Variants in KCNIP4 observed in about 807,000 individuals in gnomAD.
The protein encoded by KCNIP4 is potassium voltage-gated channel interacting protein 4.
KCNIP4 carries 12 observed loss-of-function variants against 34.0 expected under a neutral mutation model. That is an observed-to-expected ratio of 0.35 (90% CI 0.23 to 0.57). The LOEUF (loss-of-function observed/expected upper bound fraction) is 0.57. Ranked by LOEUF, KCNIP4 falls within the 20% of genes least tolerant of loss-of-function variation. The probability of loss-of-function intolerance (pLI) is 0.83; values close to 1 mark genes in which losing one functional copy is unlikely to be tolerated. For missense variants in KCNIP4, 238 were observed against 311.7 expected (o/e 0.76, Z 1.78); for synonymous variants, 124 against 102.2 (o/e 1.21, Z -1.29).
intron 1 of KCNIP4, among the ~76,000 whole-genome samples, chr4:21,946,682 A>T (rs937754948): frequency 6.6e-6 from 1 of 152,242 alleles, no homozygotes; most frequent in Non-Finnish European, 1.5e-5. Context: ...TATTCTTCTC[A>T]TCATATGACA....
chr4:21,326,328 T>A (rs1198213156), intron 1 of KCNIP4, among the ~76,000 whole-genome samples: 1 of 151,692 alleles, frequency 6.6e-6, no homozygotes, highest in Non-Finnish European at 1.5e-5. Context: ...ACATATTTGT[T>A]ATACCCCCTT....
chr4:20,765,588 T>C (rs1255157310), intron 3 of KCNIP4, among the ~76,000 whole-genome samples: 1 of 152,192 alleles, frequency 6.6e-6, no homozygotes, highest in East Asian at 1.9e-4. Flanking sequence ...GGCTAGATAG[T>C]AATGGGCTGA....
intron 1 of KCNIP4, among the ~76,000 whole-genome samples, chr4:21,211,182 T>C (rs1757194510): frequency 6.6e-6 from 1 of 152,188 alleles, no homozygotes. Flanking sequence ...ACTGTGAAAG[T>C]AGTTTGTACT....
chr4:21,636,599 G>C (rs1353245917), intron 1 of KCNIP4, among the ~76,000 whole-genome samples: 1 of 152,096 alleles, frequency 6.6e-6, no homozygotes, highest in African/African-American at 2.4e-5. Context: ...CATTCTCTCT[G>C]AAACTCTCCA....
At chr4:21,805,221 A>G (rs1241724009) in intron 1 of KCNIP4, among the ~76,000 whole-genome samples, 1 of 152,164 alleles carries the variant, frequency 6.6e-6, no homozygotes, top group Admixed American at 6.5e-5. Flanking sequence ...GCTATTACCA[A>G]ACAAAAGTTG....
At chr4:21,829,859 T>C (rs956579504) in intron 1 of KCNIP4, among the ~76,000 whole-genome samples, 2 of 148,888 alleles carry the variant, frequency 1.3e-5, no homozygotes, top group East Asian at 3.9e-4. Context: ...GATTAAATTA[T>C]CCAATGCAAT....
chr4:21,375,347 T>C (rs1720866497), intron 1 of KCNIP4, among the ~76,000 whole-genome samples: 2 of 152,126 alleles, frequency 1.3e-5, no homozygotes, highest in Admixed American at 6.5e-5. Flanking sequence ...CAGACTCACT[T>C]CCCAGTAAAG....
intron 1 of KCNIP4, among the ~76,000 whole-genome samples, chr4:21,169,341 G>T (rs920968302): frequency 1.3e-5 from 2 of 151,608 alleles, no homozygotes; most frequent in East Asian, 1.9e-4. Flanking sequence ...GTGCTGAGAC[G>T]GGGCCCTTCT....
intron 3 of KCNIP4, among the ~76,000 whole-genome samples, chr4:20,848,806 A>G (rs1042691390): frequency 1.3e-5 from 2 of 152,188 alleles, no homozygotes; most frequent in Admixed American, 6.5e-5. Flanking sequence ...AATGTTAAAA[A>G]GAAAAAAAAA....
chr4:20,769,285 C>T (rs1755669993), intron 3 of KCNIP4, among the ~76,000 whole-genome samples: 1 of 152,110 alleles, frequency 6.6e-6, no homozygotes, highest in South Asian at 2.1e-4. Flanking sequence ...ATTATCTCTT[C>T]AAGTAACTTA....
chr4:21,000,404 A>T (rs1417090701), intron 1 of KCNIP4, among the ~76,000 whole-genome samples: 30 of 152,078 alleles, frequency 2.0e-4, no homozygotes, highest in Non-Finnish European at 4.4e-5. Context: ...AAAGAAAAAA[A>T]AAAGACACGG....
At chr4:21,721,806 A>G (rs1293934142) in intron 1 of KCNIP4, among the ~76,000 whole-genome samples, 1 of 152,156 alleles carries the variant, frequency 6.6e-6, no homozygotes, top group Non-Finnish European at 1.5e-5. Context: ...TCACATGGCT[A>G]ACACAATTAT....
At chr4:21,250,344 A>G (rs565013210) in intron 1 of KCNIP4, among the ~76,000 whole-genome samples, 11 of 152,302 alleles carry the variant, frequency 7.2e-5, no homozygotes, top group African/African-American at 2.6e-4. Context: ...TTACAGTTAC[A>G]TAGCACAATT....
chr4:20,784,591 C>T (rs1190586021), intron 3 of KCNIP4, among the ~76,000 whole-genome samples: 1 of 152,152 alleles, frequency 6.6e-6, no homozygotes, highest in East Asian at 1.9e-4. Context: ...CTTCTTCTTT[C>T]CTTGCCTCCC....
chr4:21,654,266 G>T lies in KCNIP4; in HGVS notation c.61+294305C>A, dbSNP rs116516073. Among the ~76,000 whole-genome samples, 403 of 152,264 alleles carry T rather than the reference G, an allele frequency of 2.6e-3. 1 individual carries two copies. Among genetic ancestry groups the T allele is most frequent in the African/African-American group, 7.7e-3 (321 of 41,546 alleles). On this transcript the variant is annotated intron_variant, in intron 1 of 8. Transcript: ENST00000382152. ...CAGCCCTCAGAGTATCATATAATTA[G>T]TTCCTTGCCACTTGCTGACCATTTA...
chr4:21,284,562 G>A (rs1387561859), intron 1 of KCNIP4, among the ~76,000 whole-genome samples: 1 of 152,160 alleles, frequency 6.6e-6, no homozygotes, highest in Non-Finnish European at 1.5e-5. Flanking sequence ...ATGAGATGTA[G>A]GAAGGTAAAA....
intron 1 of KCNIP4, among the ~76,000 whole-genome samples, chr4:21,531,140 C>G (rs1736634072): frequency 6.6e-6 from 1 of 152,154 alleles, no homozygotes. Context: ...GAGTCAGGAG[C>G]ACTAACCTGC....
intron 1 of KCNIP4, among the ~76,000 whole-genome samples, chr4:20,903,084 T>C (rs1727346230): frequency 6.6e-6 from 1 of 152,142 alleles, no homozygotes. Context: ...ATGAGGCCTA[T>C]ACCGGGATGC....
intron 1 of KCNIP4, chr4:20,983,988 G>GAATC: frequency 5.2e-6 from 8 of 1,524,200 alleles, no homozygotes; most frequent in South Asian, 1.2e-5. Flanking sequence ...GTTAATTACA[G>GAATC]AATCGTAGCA....
Sources: allele counts gnomAD v4.1 joint callset (sites outside exome capture counted in the v4.1 genomes callset), GRCh38; gene constraint gnomAD v4.1.1; transcripts MANE v1.5; gene names NCBI Gene and HGNC (gene_info 2026-07-23, HGNC 2026-07-21).